The following PPP2R2B variants were observed in gnomAD, a reference collection of about 807,000 sequenced individuals.
PPP2R2B encodes protein phosphatase 2 regulatory subunit Bbeta.
In PPP2R2B, 5 loss-of-function variants were observed where a neutral mutation model predicts 46.0. That is an observed-to-expected ratio of 0.11 (90% confidence interval 0.06 to 0.23). The LOEUF (loss-of-function observed/expected upper bound fraction) is 0.23. Among genes scored for constraint, PPP2R2B ranks in the 10% least tolerant of loss-of-function variants. The probability of loss-of-function intolerance (pLI) is 1.00; values close to 1 mark genes in which losing one functional copy is unlikely to be tolerated. For missense variants in PPP2R2B, 367 were observed against 575.0 expected (o/e 0.64, Z 3.70); for synonymous variants, 215 against 206.7 (o/e 1.04, Z -0.34).
chr5:146,844,165 G>T (rs1275760713), intron 2 of PPP2R2B, among the ~76,000 whole-genome samples: 1 of 123,060 alleles, frequency 8.1e-6, no homozygotes, highest in Non-Finnish European at 1.6e-5. Context: ...AGATCACATG[G>T]ACACAGGAAG....
At chr5:147,031,274 T>A (rs1047347729) in intron 1 of PPP2R2B, among the ~76,000 whole-genome samples, 4 of 152,168 alleles carry the variant, frequency 2.6e-5, no homozygotes, top group African/African-American at 9.7e-5. Flanking sequence ...TCTTAAGGGT[T>A]ATTTTATTAG....
chr5:146,606,727 C>T (rs1772313352), intron 7 of PPP2R2B, among the ~76,000 whole-genome samples: 1 of 152,114 alleles, frequency 6.6e-6, no homozygotes, highest in African/African-American at 2.4e-5. Flanking sequence ...TCTGTCTGGG[C>T]TGCGACACAG....
intron 2 of PPP2R2B, among the ~76,000 whole-genome samples, chr5:146,868,253 A>C (rs1010562066): frequency 1.3e-5 from 2 of 152,218 alleles, no homozygotes; most frequent in African/African-American, 4.8e-5. Flanking sequence ...TGGCTCCTCC[A>C]TCTGCAGCAG....
intron 2 of PPP2R2B, among the ~76,000 whole-genome samples, chr5:146,832,798 C>T (rs1451804159): frequency 6.6e-6 from 1 of 152,042 alleles, no homozygotes; most frequent in African/African-American, 2.4e-5. Context: ...GAGTAACATG[C>T]TGTACAGGTT....
intron 2 of PPP2R2B, among the ~76,000 whole-genome samples, chr5:146,769,471 A>C (rs1754705284): frequency 2.6e-5 from 4 of 152,134 alleles, no homozygotes; most frequent in Admixed American, 1.3e-4. Flanking sequence ...GTTTCTTCTT[A>C]TTATTTAATG....
At chr5:147,055,528 T>C in intron 1 of PPP2R2B, 2 of 717,254 alleles carry the variant, frequency 2.8e-6, no homozygotes, top group South Asian at 3.6e-5. Context: ...CAGATCTAAG[T>C]CTGTTGGATA....
intron 5 of PPP2R2B, among the ~76,000 whole-genome samples, chr5:146,660,382 C>T (rs751392303): frequency 7.0e-4 from 106 of 152,052 alleles, no homozygotes; most frequent in Non-Finnish European, 9.9e-4. Flanking sequence ...GCTATCTATA[C>T]TGATGTTTAT....
intron 1 of PPP2R2B, among the ~76,000 whole-genome samples, chr5:146,908,966 C>T (rs761022350): frequency 3.9e-5 from 6 of 152,048 alleles, no homozygotes; most frequent in Non-Finnish European, 8.8e-5. Flanking sequence ...GAGCTCAGAT[C>T]GTGTTTTTCA....
intron 4 of PPP2R2B, among the ~76,000 whole-genome samples, 179 bp downstream of exon 4, chr5:146,697,800 T>C (rs1338474870): frequency 6.6e-6 from 1 of 152,166 alleles, no homozygotes; most frequent in Non-Finnish European, 1.5e-5. Context: ...AAACAGTAGT[T>C]ACTATTTATT....
At chr5:146,648,397 C>T (rs1035338427) in intron 6 of PPP2R2B, among the ~76,000 whole-genome samples, 6 of 152,086 alleles carry the variant, frequency 3.9e-5, no homozygotes, top group African/African-American at 7.2e-5. Context: ...ATTCTATAAA[C>T]GAACCTTCAG....
At chr5:147,066,146 G>A (rs1368791453) in intron 2 of PPP2R2B, among the ~76,000 whole-genome samples, 2 of 152,108 alleles carry the variant, frequency 1.3e-5, no homozygotes, top group Non-Finnish European at 2.9e-5. Context: ...TAGGTTTTCT[G>A]GTGACTAATG....
At chr5:147,007,536 G>A (rs932823023) in intron 1 of PPP2R2B, among the ~76,000 whole-genome samples, 19 of 152,120 alleles carry the variant, frequency 1.2e-4, no homozygotes, top group African/African-American at 2.7e-4. Flanking sequence ...GCTGGCCACC[G>A]GAGCCAGCAG....
chr5:146,583,331 A>G lies in PPP2R2B; in HGVS notation c.*6616T>C, dbSNP rs527840481. ...AGCAAGAAATGTGCACTGAATGCAT[A>G]TTTGTGGGCCAGGCATCCTTCTAAG... On this transcript the variant is annotated 3_prime_UTR_variant, in exon 10 of 10. Transcript: ENST00000394411. 7 of 152,280 alleles carry G rather than the reference A, an allele frequency of 4.6e-5. No homozygotes were observed. The highest frequency in any genetic ancestry group is 1.7e-4 in the African/African-American group (7 of 41,566). 9.4% of individuals were successfully genotyped at this position (152,280 alleles called of 1,614,324 possible).
In PPP2R2B at chr5:146,698,156, G is replaced by GA. The variant is rs776996357; in HGVS notation, c.169-13dup. 1.0e-5 allele frequency: 16 copies of GA among 1,562,136 alleles called. No individual in the cohort carries two copies. In the African/African-American group the frequency reaches 1.8e-4, roughly 18 times the overall value. On this transcript the variant is annotated splice_polypyrimidine_tract_variant and intron_variant, in intron 3 of 9. Transcript: ENST00000394411. Reference sequence around the variant, plus strand: ...ACCTGATTTTTACTCTGTAGGAAAGGAAAAAAATACACAACAGATTAAATC... The same window carrying GA: ...ACCTGATTTTTACTCTGTAGGAAAGGAAAAAAAATACACAACAGATTAAATC...
intron 1 of PPP2R2B, among the ~76,000 whole-genome samples, chr5:146,961,290 T>A (rs550867157): frequency 2.0e-5 from 3 of 152,186 alleles, no homozygotes; most frequent in Non-Finnish European, 4.4e-5. Context: ...GTAAATCTTA[T>A]GTTTCTATGA....
chr5:146,684,709 T>G (rs1042357585), intron 5 of PPP2R2B, among the ~76,000 whole-genome samples: 2 of 152,226 alleles, frequency 1.3e-5, no homozygotes, highest in African/African-American at 4.8e-5. Flanking sequence ...TTGTGCTTCT[T>G]CTGAACTGCC....
chr5:147,040,985 T>A (rs184263934), intron 1 of PPP2R2B, among the ~76,000 whole-genome samples: 21 of 152,136 alleles, frequency 1.4e-4, no homozygotes, highest in Non-Finnish European at 2.6e-4. Flanking sequence ...CTTCACAGAG[T>A]TACTACTCAG....
rs573267970 is a variant in PPP2R2B at position 146,927,205 on chromosome 5, A to T, written c.79+128460T>A. ...TTTGGCTGATTTCCAGAGCACAAAT[A>T]GTTGAAGTTTCCAACTTTGCACAGC... is the stretch of plus-strand genomic sequence containing the variant. On this transcript the variant is annotated intron_variant, in intron 1 of 8. Coordinates refer to the PPP2R2B transcript ENST00000336640. Among the ~76,000 whole-genome samples the T allele has an allele frequency of 1.1e-4, 16 of 152,236 alleles. No homozygotes were observed. In the East Asian group the frequency reaches 3.1e-3, roughly 30 times the overall value.
rs549915086 is a variant in PPP2R2B at position 146,889,845 on chromosome 5, A to G, written c.79+165820T>C. On this transcript the variant is annotated intron_variant, in intron 1 of 8. Transcript: ENST00000336640. ...TCAAACTTAGCAGTTGTCTAACTCC[A>G]GGCAATGCTAATCATACATCTGGCA... 2.0e-5 allele frequency among the ~76,000 whole-genome samples: 3 copies of G among 152,332 alleles called. No homozygotes were observed. In the East Asian group the frequency reaches 5.8e-4, roughly 29 times the overall value.
Sources: allele counts gnomAD v4.1 joint callset (sites outside exome capture counted in the v4.1 genomes callset), GRCh38; gene constraint gnomAD v4.1.1; transcripts MANE v1.5; gene names NCBI Gene and HGNC (gene_info 2026-07-23, HGNC 2026-07-21).